The following ARHGAP44 variants were observed in gnomAD, a reference collection of about 807,000 sequenced individuals.
The protein encoded by ARHGAP44 is Rho GTPase activating protein 44.
ARHGAP44 carries 43 observed loss-of-function variants against 106.8 expected under a neutral mutation model. That is an observed-to-expected ratio of 0.40 (90% confidence interval 0.32 to 0.52). The LOEUF (loss-of-function observed/expected upper bound fraction) is 0.52, where lower values mean the gene tolerates loss of function less well. Among genes scored for constraint, ARHGAP44 ranks in the 20% least tolerant of loss-of-function variants. The probability of loss-of-function intolerance (pLI) is 0.48; values close to 1 mark genes in which losing one functional copy is unlikely to be tolerated. For synonymous variants in ARHGAP44, 439 were observed against 410.3 expected (o/e 1.07, Z -0.85); for missense variants, 866 against 1,050.5 (o/e 0.82, Z 2.43).
At chr17:12,876,972 C>T (rs578090330) in intron 1 of ARHGAP44, among the ~76,000 whole-genome samples, 18 of 150,974 alleles carry the variant, frequency 1.2e-4, no homozygotes, top group African/African-American at 3.9e-4. Flanking sequence ...TCTGATGGGG[C>T]CTAGCTCGGG....
At chr17:12,918,153 C>A (rs746656618) in intron 5 of ARHGAP44, among the ~76,000 whole-genome samples, 1 of 152,178 alleles carries the variant, frequency 6.6e-6, no homozygotes, top group East Asian at 1.9e-4. Flanking sequence ...GGAGCAAGTC[C>A]GTTGTGGGTG....
Position 12,868,591 on chromosome 17 carries a change from T to TATATATA in ARHGAP44, c.54-26349_54-26348insATATATA, listed in dbSNP as rs2036305530. On this transcript the variant is annotated intron_variant, in intron 1 of 20. Coordinates refer to ENST00000379672, the MANE Select transcript of ARHGAP44 (RefSeq NM_014859.6). Reference sequence around the variant, plus strand: ...ATTTAAAAAGTCATATATATGCATTTTATATATATATATATATATATATAT... The same window carrying TATATATA: ...ATTTAAAAAGTCATATATATGCATTTATATATATATATATATATATATATATATATAT... Among the ~76,000 whole-genome samples, 138 of 47,130 alleles carry TATATATA rather than the reference T, an allele frequency of 2.9e-3. 4 individuals are homozygous for TATATATA. The highest frequency in any genetic ancestry group is 6.3e-3 in the African/African-American group (98 of 15,456). 30.9% of individuals were successfully genotyped at this position (47,130 alleles called of 152,430 possible).
At chr17:12,906,448 C>G (rs1397152813) in intron 3 of ARHGAP44, among the ~76,000 whole-genome samples, 2 of 152,146 alleles carry the variant, frequency 1.3e-5, no homozygotes, top group East Asian at 3.9e-4. Flanking sequence ...CAACAACCAG[C>G]TATAAATTAG....
rs571026300 is a variant in ARHGAP44 at position 12,829,402 on chromosome 17, T to C, written c.53+39511T>C. 2.6e-5 allele frequency among the ~76,000 whole-genome samples: 4 copies of C among 152,256 alleles called. No homozygotes were observed. In the South Asian group the frequency reaches 6.2e-4, roughly 24 times the overall value. On this transcript the variant is annotated intron_variant, in intron 1 of 20. Transcript: ENST00000379672. ...TGGGCCTTCAGCAGCCCTCCTATTT[T>C]TGGCTTCTTATAGTATATATTGTCT...
chr17:12,846,620 C>T (rs759634281), intron 1 of ARHGAP44, among the ~76,000 whole-genome samples: 4 of 152,134 alleles, frequency 2.6e-5, no homozygotes, highest in Admixed American at 6.5e-5. Flanking sequence ...AAACATCTGT[C>T]AAAGAAGTAG....
chr17:12,813,109 C>T (rs2034486972), intron 1 of ARHGAP44, among the ~76,000 whole-genome samples: 1 of 152,142 alleles, frequency 6.6e-6, no homozygotes, highest in South Asian at 2.1e-4. Context: ...CCGTCCTGCC[C>T]ACGCTATGTT....
intron 1 of ARHGAP44, among the ~76,000 whole-genome samples, chr17:12,829,568 T>C (rs1243299902): frequency 6.6e-6 from 1 of 152,182 alleles, no homozygotes; most frequent in African/African-American, 2.4e-5. Flanking sequence ...CAGCCTCTCT[T>C]GGAAGTTCTA....
chr17:12,943,756 C>A, intron 9 of ARHGAP44, 87 bp downstream of exon 9: 2 of 1,372,366 alleles, frequency 1.5e-6, no homozygotes, highest in South Asian at 2.4e-5. Context: ...TGTCGTTGGC[C>A]CTAACACTCT....
At chr17:12,952,480 C>T in intron 12 of ARHGAP44, 21 bp from the exon 13 acceptor site, 1 of 1,546,944 alleles carries the variant, frequency 6.5e-7, no homozygotes. Context: ...CAACCAATGA[C>T]CTTTCCTATC....
chr17:12,859,531 A>G (rs1180356618), intron 1 of ARHGAP44, among the ~76,000 whole-genome samples: 1 of 152,108 alleles, frequency 6.6e-6, no homozygotes, highest in Non-Finnish European at 1.5e-5. Context: ...TACTGCCCAC[A>G]TTTTGGTTTG....
intron 16 of ARHGAP44, among the ~76,000 whole-genome samples, chr17:12,959,661 G>A (rs754276961): frequency 2.6e-5 from 4 of 152,252 alleles, no homozygotes; most frequent in Non-Finnish European, 4.4e-5. Flanking sequence ...TGTTCAGCAA[G>A]CTGCAGGCAT....
chr17:12,944,574 C>T (rs2038800308), intron 10 of ARHGAP44, among the ~76,000 whole-genome samples: 1 of 151,966 alleles, frequency 6.6e-6, no homozygotes, highest in Non-Finnish European at 1.5e-5. Flanking sequence ...CAACCTCTGC[C>T]TCCTGGGTTC....
chr17:12,906,373 G>T (rs58076502), intron 3 of ARHGAP44, among the ~76,000 whole-genome samples: 2,367 of 152,186 alleles, frequency 0.016, 62 homozygotes, highest in African/African-American at 0.051. Flanking sequence ...CAGGTTAAGG[G>T]CTCAGTCCTA....
chr17:12,842,712 C>T (rs760046196), intron 1 of ARHGAP44, among the ~76,000 whole-genome samples: 9 of 152,108 alleles, frequency 5.9e-5, no homozygotes, highest in South Asian at 2.1e-4. Context: ...GACTAAACCC[C>T]GACTGTGTAT....
At position 12,873,223 on chromosome 17, in the gene ARHGAP44, T is replaced by C. The variant is rs571054493; in HGVS notation, c.54-21717T>C. On this transcript the variant is annotated intron_variant, in intron 1 of 20. Coordinates refer to ENST00000379672, the MANE Select transcript of ARHGAP44 (RefSeq NM_014859.6). Reference sequence around the variant, plus strand: ...TTAATTCTCTTTATTTAATAGCCTTTCATTGCTGCTAAGGGACAGCTTTTG... The same window carrying C: ...TTAATTCTCTTTATTTAATAGCCTTCCATTGCTGCTAAGGGACAGCTTTTG... 2.6e-5 allele frequency among the ~76,000 whole-genome samples: 4 copies of C among 152,328 alleles called. No individual in the cohort carries two copies. In the East Asian group the frequency reaches 5.8e-4, roughly 22 times the overall value.
intron 1 of ARHGAP44, among the ~76,000 whole-genome samples, chr17:12,878,496 A>G (rs1251632859): frequency 6.6e-6 from 1 of 152,222 alleles, no homozygotes; most frequent in African/African-American, 2.4e-5. Context: ...AGCGCCTGTC[A>G]TCCTGTGGAA....
At chr17:12,864,808 G>T (rs892321730) in intron 1 of ARHGAP44, among the ~76,000 whole-genome samples, 2 of 152,162 alleles carry the variant, frequency 1.3e-5, no homozygotes, top group Admixed American at 6.5e-5. Flanking sequence ...TAAAAGCATT[G>T]TTTCCACAAT....
chr17:12,864,710 G>C (rs2036183426), intron 1 of ARHGAP44, among the ~76,000 whole-genome samples: 1 of 152,124 alleles, frequency 6.6e-6, no homozygotes, highest in Admixed American at 6.5e-5. Context: ...TATTGAAATA[G>C]AACTGAATAA....
chr17:12,890,500 G>C (rs1266361226), intron 1 of ARHGAP44, among the ~76,000 whole-genome samples: 1 of 152,152 alleles, frequency 6.6e-6, no homozygotes, highest in Non-Finnish European at 1.5e-5. Context: ...AGGGAACAGA[G>C]TCCTTGGGCA....
Sources: gnomAD v4.1 joint callset for allele counts (sites outside exome capture counted in the v4.1 genomes callset) on GRCh38, gnomAD v4.1.1 for gene constraint, MANE v1.5 for transcripts, NCBI Gene and HGNC (gene_info 2026-07-23, HGNC 2026-07-21) for gene names.